GRID2: variants seen among roughly 807,000 people sequenced by gnomAD.
GRID2 encodes glutamate receptor ionotropic, delta-2.
GRID2 carries 33 observed loss-of-function variants against 114.8 expected under a neutral mutation model. The observed-to-expected ratio is 0.29, with a 90% CI of 0.22 to 0.38. GRID2 has a LOEUF of 0.38. Ranked by LOEUF, GRID2 falls within the 10% of genes least tolerant of loss-of-function variation. GRID2 has a pLI of 1.00. For synonymous variants in GRID2, 505 were observed against 449.9 expected (o/e 1.12, Z -1.55); for missense variants, 1,184 against 1,257.7 (o/e 0.94, Z 0.89).
intron 2 of GRID2, among the ~76,000 whole-genome samples, chr4:93,000,716 C>T (rs538131553): frequency 6.9e-6 from 1 of 143,936 alleles, no homozygotes; most frequent in Non-Finnish European, 1.5e-5. Flanking sequence ...ATAAGTATGT[C>T]AAGTAGTTTT....
chr4:93,603,513 G>A (rs1479281635), intron 13 of GRID2, among the ~76,000 whole-genome samples: 8 of 152,228 alleles, frequency 5.3e-5, no homozygotes, highest in Non-Finnish European at 8.8e-5. Context: ...AGACACTGCG[G>A]CAGGTGATCC....
chr4:92,578,165 C>G (rs62310097), intron 1 of GRID2, among the ~76,000 whole-genome samples: 2 of 134,696 alleles, frequency 1.5e-5, no homozygotes, highest in East Asian at 2.3e-4. Flanking sequence ...ATGTGCACAA[C>G]GTGCAGGTTA....
At chr4:93,102,445 G>GA (rs1346932912) in intron 3 of GRID2, among the ~76,000 whole-genome samples, 1 of 152,014 alleles carries the variant, frequency 6.6e-6, no homozygotes, top group African/African-American at 2.4e-5. Flanking sequence ...CAAAAACAAA[G>GA]AAAAAATCAA....
At chr4:93,165,198 G>A (rs1738131590) in intron 4 of GRID2, among the ~76,000 whole-genome samples, 1 of 152,036 alleles carries the variant, frequency 6.6e-6, no homozygotes. Context: ...CACATCAACT[G>A]TTAGTCCTCA....
intron 4 of GRID2, among the ~76,000 whole-genome samples, chr4:93,154,667 G>T (rs1420216249): frequency 6.6e-6 from 1 of 151,756 alleles, no homozygotes; most frequent in Admixed American, 6.6e-5. Flanking sequence ...AGGGGGTGTG[G>T]TTAATAGGCA....
intron 2 of GRID2, among the ~76,000 whole-genome samples, chr4:92,907,983 A>C (rs560401524): frequency 1.9e-4 from 29 of 152,186 alleles, no homozygotes; most frequent in Admixed American, 5.9e-4. Flanking sequence ...AGACTATGGC[A>C]CTGTACTCCA....
At chr4:93,051,166 T>A (rs1188053949) in intron 2 of GRID2, among the ~76,000 whole-genome samples, 2 of 152,160 alleles carry the variant, frequency 1.3e-5, no homozygotes, top group East Asian at 3.9e-4. Context: ...CCCAAAATTA[T>A]TAAAACTCAT....
intron 2 of GRID2, among the ~76,000 whole-genome samples, chr4:93,017,461 T>C (rs1308041713): frequency 6.6e-6 from 1 of 152,000 alleles, no homozygotes; most frequent in Non-Finnish European, 1.5e-5. Context: ...TAGAAAAGAG[T>C]ATTAGTGATA....
At chr4:93,085,686 T>C (rs1270645114) in intron 3 of GRID2, among the ~76,000 whole-genome samples, 1 of 152,182 alleles carries the variant, frequency 6.6e-6, no homozygotes, top group Non-Finnish European at 1.5e-5. Context: ...TTTACCTCTT[T>C]CTATTATTTG....
At chr4:92,950,063 G>A (rs1384931422) in intron 2 of GRID2, among the ~76,000 whole-genome samples, 1 of 152,128 alleles carries the variant, frequency 6.6e-6, no homozygotes, top group Non-Finnish European at 1.5e-5. Context: ...CAATAAAGAT[G>A]TAGCAAAGTT....
chr4:92,690,019 C>G (rs962562313), intron 2 of GRID2, among the ~76,000 whole-genome samples: 10 of 152,028 alleles, frequency 6.6e-5, no homozygotes, highest in African/African-American at 2.4e-4. Flanking sequence ...AGCCATAAGG[C>G]CCTTTTACTT....
intron 2 of GRID2, among the ~76,000 whole-genome samples, chr4:92,698,293 GAAGTA>G (rs967544908): frequency 3.3e-5 from 5 of 152,108 alleles, no homozygotes; most frequent in African/African-American, 7.2e-5. Context: ...AAATGGTAAA[GAAGTA>G]AAGTCCACTA....
chr4:93,280,559 T>C (rs1259420303), intron 8 of GRID2, among the ~76,000 whole-genome samples: 1 of 151,984 alleles, frequency 6.6e-6, no homozygotes, highest in African/African-American at 2.4e-5. Context: ...CTGTACTCTT[T>C]GGTTTTCATA....
Position 93,278,676 on chromosome 4 carries a change from C to T in GRID2, c.1245+40186C>T, listed in dbSNP as rs1752331491. 1.3e-5 allele frequency among the ~76,000 whole-genome samples: 2 copies of T among 151,742 alleles called. 1 individual carries two copies. Among genetic ancestry groups the T allele is most frequent in the Admixed American group, 1.3e-4 (2 of 15,176 alleles). On this transcript the variant is annotated intron_variant, in intron 8 of 15. Coordinates refer to ENST00000282020, the MANE Select transcript of GRID2 (RefSeq NM_001510.4). ...GCAGCTCATAGTCCACTGAAGAAAA[C>T]AGAATTTTAACTGGAAGAAAAAAGA...
chr4:92,618,322 T>G (rs1002083170), intron 2 of GRID2, among the ~76,000 whole-genome samples: 2 of 151,782 alleles, frequency 1.3e-5, no homozygotes, highest in African/African-American at 4.8e-5. Context: ...TGGCTGTAGA[T>G]GTATGGATTA....
At chr4:93,805,255 T>G (rs1362160813) in intron 1 of GRID2, among the ~76,000 whole-genome samples, 1 of 152,246 alleles carries the variant, frequency 6.6e-6, no homozygotes, top group African/African-American at 2.4e-5. Context: ...CGTATTGATT[T>G]AAACATAGTT....
chr4:93,127,556 T>C (rs1734390892), intron 4 of GRID2, among the ~76,000 whole-genome samples: 1 of 152,228 alleles, frequency 6.6e-6, no homozygotes, highest in South Asian at 2.1e-4. Flanking sequence ...ATTTTACATA[T>C]GTACACATGT....
chr4:93,676,909 A>G (rs1355101042), intron 14 of GRID2, among the ~76,000 whole-genome samples: 2 of 151,968 alleles, frequency 1.3e-5, no homozygotes, highest in Non-Finnish European at 2.9e-5. Context: ...CTCACTAGGG[A>G]GTGCCAGACA....
chr4:93,542,394 A>T (rs1732739476), intron 13 of GRID2, among the ~76,000 whole-genome samples: 1 of 152,188 alleles, frequency 6.6e-6, no homozygotes, highest in African/African-American at 2.4e-5. Context: ...GAAAGAGAAA[A>T]TGTGGAAAGA....
Sources: allele counts gnomAD v4.1 joint callset (sites outside exome capture counted in the v4.1 genomes callset), GRCh38; gene constraint gnomAD v4.1.1; transcripts MANE v1.5; gene names NCBI Gene and HGNC (gene_info 2026-07-23, HGNC 2026-07-21).